LCA5: variants seen among roughly 807,000 people sequenced by gnomAD.
LCA5 encodes the protein lebercilin LCA5, also known as lebercilin.
Under a neutral mutation model 53.0 loss-of-function variants are expected in LCA5, and 37 were observed. That is an observed-to-expected ratio of 0.70 (90% CI 0.54 to 0.92). LCA5 has a LOEUF of 0.92. Ranked by LOEUF, LCA5 falls within the 40% of genes least tolerant of loss-of-function variation. The pLI, the probability that LCA5 is intolerant of heterozygous loss-of-function variation, is 0.00. For synonymous variants in LCA5, 303 were observed against 282.9 expected (o/e 1.07, Z -0.71); for missense variants, 806 against 790.5 (o/e 1.02, Z -0.23).
intron 1 of LCA5, among the ~76,000 whole-genome samples, chr6:79,521,789 C>T (rs1766633108): frequency 6.6e-6 from 1 of 152,048 alleles, no homozygotes; most frequent in Admixed American, 6.6e-5. Flanking sequence ...TTGTGAAATG[C>T]CTGATTCCAT....
chr6:79,499,855 C>T (rs1562099564), intron 3 of LCA5, among the ~76,000 whole-genome samples: 2 of 150,680 alleles, frequency 1.3e-5, no homozygotes, highest in African/African-American at 2.4e-5. Context: ...ACTCCCCCCA[C>T]CCCACAACAG....
chr6:79,538,219 C>T (rs1347856647), upstream of LCA5, among the ~76,000 whole-genome samples: 1 of 151,782 alleles, frequency 6.6e-6, no homozygotes, highest in Admixed American at 6.6e-5. Context: ...GGTGGTTTAA[C>T]ACTACTCTGG....
At chr6:79,520,547 C>G (rs1177896156) in intron 1 of LCA5, among the ~76,000 whole-genome samples, 2 of 151,888 alleles carry the variant, frequency 1.3e-5, no homozygotes, top group Non-Finnish European at 2.9e-5. Flanking sequence ...TTTTATAATC[C>G]AATTTAGAAG....
intron 3 of LCA5, among the ~76,000 whole-genome samples, chr6:79,506,002 A>G (rs569756827): frequency 1.3e-5 from 2 of 152,272 alleles, no homozygotes; most frequent in South Asian, 2.1e-4. Flanking sequence ...CATGGAAGCA[A>G]TCAACAAGCA....
At chr6:79,512,194 T>C (rs1443851390) in intron 3 of LCA5, among the ~76,000 whole-genome samples, 1 of 152,164 alleles carries the variant, frequency 6.6e-6, no homozygotes, top group Admixed American at 6.6e-5. Context: ...CCTACCCTAC[T>C]TCATGGGTAA....
At position 79,515,394 on chromosome 6, in the gene LCA5, G is replaced by T. The variant is rs150066101; in HGVS notation, c.191-1653C>A. The stretch of plus-strand genomic sequence containing the variant: ...ATCAAAAACCCTAATGTGAGAAGAT[G>T]AAAACAAAAATCACATCCTAAAAAA... On this transcript the variant is annotated intron_variant, in intron 2 of 7. Transcript: ENST00000369846. Among the ~76,000 whole-genome samples the T allele has an allele frequency of 3.5e-3, 528 of 152,030 alleles. 7 individuals carry two copies. Among genetic ancestry groups the T allele is most frequent in the African/African-American group, 0.012 (505 of 41,492 alleles).
rs550422075 is a variant in LCA5, at chr6:79,491,440, C to G, written c.1098+148G>C. The G allele has an allele frequency of 3.1e-5, 25 of 802,690 alleles. No homozygotes were observed. The South Asian group carries it at 4.1e-4, about 13-fold the overall frequency. 49.7% of individuals were successfully genotyped at this position (802,690 alleles called of 1,614,324 possible). On this transcript the variant is annotated intron_variant, in intron 6 of 7. Transcript: ENST00000369846. Reference sequence around the variant, plus strand: ...AGCCAAAGGAATTTTACAAAATACACGATACCTCTTTCCCTTCAAAAAGGC... The same window carrying G: ...AGCCAAAGGAATTTTACAAAATACAGGATACCTCTTTCCCTTCAAAAAGGC...
chr6:79,489,266 G>A (rs1354084549), intron 6 of LCA5, 50 bp from the exon 7 acceptor site: 3 of 1,574,954 alleles, frequency 1.9e-6, no homozygotes, highest in Non-Finnish European at 2.6e-6. Context: ...GAAAAGGGGG[G>A]GAACTAAGCA....
At chr6:79,522,545 G>A (rs569548123) in intron 1 of LCA5, among the ~76,000 whole-genome samples, 13 of 152,134 alleles carry the variant, frequency 8.5e-5, no homozygotes, top group African/African-American at 3.1e-4. Context: ...GAAATTGCAA[G>A]CAGAACAAGA....
intron 1 of LCA5, among the ~76,000 whole-genome samples, chr6:79,531,000 A>T (rs1415921218): frequency 6.6e-6 from 1 of 152,184 alleles, no homozygotes; most frequent in African/African-American, 2.4e-5. Context: ...TTATCACTGG[A>T]CAGGACCCTA....
chr6:79,514,944 A>T (rs1766384500), intron 2 of LCA5, among the ~76,000 whole-genome samples: 1 of 152,074 alleles, frequency 6.6e-6, no homozygotes, highest in Non-Finnish European at 1.5e-5. Context: ...GAAATGATTC[A>T]TACAACAAAC....
chr6:79,492,515 A>G (rs771363673), intron 5 of LCA5, 36 bp downstream of exon 5: 3 of 993,948 alleles, frequency 3.0e-6, no homozygotes, highest in South Asian at 2.9e-5. Flanking sequence ...AATAATAGCA[A>G]TAATATCAGT....
At chr6:79,532,989 T>C (rs1000879549) in intron 1 of LCA5, among the ~76,000 whole-genome samples, 2 of 152,256 alleles carry the variant, frequency 1.3e-5, no homozygotes, top group South Asian at 2.1e-4. Flanking sequence ...TTTAAAATAA[T>C]TGCATAAGAA....
At chr6:79,535,325 G>A (rs941473779) in intron 1 of LCA5, among the ~76,000 whole-genome samples, 2 of 152,104 alleles carry the variant, frequency 1.3e-5, no homozygotes, top group African/African-American at 2.4e-5. Flanking sequence ...ACATTTGCAA[G>A]GATCCATCTC....
chr6:79,530,109 A>T (rs1216157320), intron 1 of LCA5, among the ~76,000 whole-genome samples: 7 of 151,872 alleles, frequency 4.6e-5, no homozygotes, highest in East Asian at 1.9e-4. Flanking sequence ...GTATAATAAA[A>T]ATATATATAT....
chr6:79,525,733 C>G (rs901653470), intron 1 of LCA5, among the ~76,000 whole-genome samples: 1 of 152,214 alleles, frequency 6.6e-6, no homozygotes, highest in Admixed American at 6.5e-5. Flanking sequence ...ATCCGGAGGA[C>G]CCAGTAGGGC....
Position 79,487,536 on chromosome 6 carries a change from C to G in LCA5, c.1562G>C (p.Gly521Ala). The G allele has an allele frequency of 3.1e-6, 5 of 1,613,932 alleles. No individual in the cohort carries two copies. The highest frequency in any genetic ancestry group is 4.2e-6 in the Non-Finnish European group (5 of 1,179,902). ...GAAACTGATGTCTTGCAAATGATGC[C>G]CATTAAATAATCTCTCTGAGGATTC... is the stretch of plus-strand genomic sequence containing the variant. ...FSESSERLFNGHHLQDISFST... is the reference protein window; with the variant it reads ...FSESSERLFNAHHLQDISFST... Residue 521 changes from glycine (G) to alanine (A), a missense_variant, in exon 8 of 8, where the codon GGG (glycine) becomes GCG (alanine). By Grantham distance (60) the Gly-to-Ala change is moderately conservative. Transcript: ENST00000369846.
chr6:79,516,420 C>T (rs1299060553), intron 2 of LCA5, among the ~76,000 whole-genome samples: 1 of 151,716 alleles, frequency 6.6e-6, no homozygotes, highest in African/African-American at 2.4e-5. Context: ...CAAAATTATA[C>T]CGCTCATAAA....
intron 1 of LCA5, chr6:79,525,401 A>C (rs1766754785): frequency 6.6e-6 from 1 of 152,248 alleles, no homozygotes; most frequent in Non-Finnish European, 1.5e-5. Context: ...GTCTATCATA[A>C]ATATCCTGTT....
Sources: gnomAD v4.1 joint callset for allele counts (sites outside exome capture counted in the v4.1 genomes callset) on GRCh38, gnomAD v4.1.1 for gene constraint, MANE v1.5 for transcripts, NCBI Gene and HGNC (gene_info 2026-07-23, HGNC 2026-07-21) for gene names.